CDH13: variants seen among roughly 807,000 people sequenced by gnomAD.
CDH13 encodes the protein cadherin-13.
CDH13 carries 24 observed loss-of-function variants against 63.8 expected under a neutral mutation model. The observed-to-expected ratio is 0.38, with a 90% CI of 0.27 to 0.53. The LOEUF (loss-of-function observed/expected upper bound fraction) is 0.53. Ranked by LOEUF, CDH13 falls within the 20% of genes least tolerant of loss-of-function variation. CDH13 has a pLI of 0.85. For synonymous variants in CDH13, 503 were observed against 355.3 expected, an observed-to-expected ratio of 1.42 and a Z score of -4.67; for missense variants, 1,049 against 903.1, an observed-to-expected ratio of 1.16 and a Z score of -2.07.
intron 6 of CDH13, among the ~76,000 whole-genome samples, chr16:83,445,897 C>G (rs1026884805): frequency 6.6e-6 from 1 of 152,142 alleles, no homozygotes; most frequent in Non-Finnish European, 1.5e-5. Flanking sequence ...CGCCGAACAA[C>G]AGACAGTTCA....
At chr16:83,191,530 C>CACATATAT (rs1334419994) in intron 4 of CDH13, among the ~76,000 whole-genome samples, 3 of 74,380 alleles carry the variant, frequency 4.0e-5, no homozygotes, top group African/African-American at 1.7e-4. Context: ...CACACACACA[C>CACATATAT]ATATATATAT....
At chr16:83,322,861 T>C (rs1207717181) in intron 5 of CDH13, among the ~76,000 whole-genome samples, 2 of 152,096 alleles carry the variant, frequency 1.3e-5, no homozygotes, top group African/African-American at 2.4e-5. Context: ...CGTCAGGAAC[T>C]AGAACCACCT....
At chr16:83,362,577 G>A (rs1255430380) in intron 6 of CDH13, among the ~76,000 whole-genome samples, 1 of 152,130 alleles carries the variant, frequency 6.6e-6, no homozygotes, top group Non-Finnish European at 1.5e-5. Flanking sequence ...GTGAGATTGG[G>A]TATTACTGTC....
At chr16:83,671,004 C>T (rs779721176) in intron 9 of CDH13, 32 bp downstream of exon 9, 4 of 1,534,348 alleles carry the variant, frequency 2.6e-6, no homozygotes. Flanking sequence ...TCTTTCTCCT[C>T]ATGCGAGCAC....
At chr16:83,661,453 A>G (rs1325744181) in intron 8 of CDH13, among the ~76,000 whole-genome samples, 1 of 151,092 alleles carries the variant, frequency 6.6e-6, no homozygotes, top group Non-Finnish European at 1.5e-5. Context: ...ACTGCACTCC[A>G]GCCTGGGTGA....
At chr16:83,632,873 C>T (rs1441837438) in intron 8 of CDH13, among the ~76,000 whole-genome samples, 1 of 150,822 alleles carries the variant, frequency 6.6e-6, no homozygotes, top group African/African-American at 2.4e-5. Context: ...GTGGATTATT[C>T]TTGGGTTTTC....
At chr16:82,826,404 C>G (rs879129530) in intron 1 of CDH13, 4 of 151,912 alleles carry the variant, frequency 2.6e-5, no homozygotes, top group Admixed American at 2.6e-4. Context: ...TTTTTTATTT[C>G]CTACATACAA....
rs1476632819 is a variant in CDH13, at chr16:82,710,556, T to A, written c.45+83419T>A. The stretch of plus-strand genomic sequence containing the variant: ...TCAAAAAAAAAAAAAAAAAAAAATA[T>A]ATATATATATATATATATATAAATA... On this transcript the variant is annotated intron_variant, in intron 1 of 13. Coordinates refer to ENST00000567109, the MANE Select transcript of CDH13 (RefSeq NM_001257.5). Among the ~76,000 whole-genome samples the A allele has an allele frequency of 5.2e-3, 501 of 95,964 alleles. 1 individual carries two copies. The highest frequency in any genetic ancestry group is 0.011 in the South Asian group (35 of 3,220). The allele number at this position is 95,964 out of a possible 152,430, so 63.0% of individuals were successfully genotyped here. A position where few individuals can be genotyped will look rare whatever the true frequency, so the allele number is the denominator to read the frequency against.
At chr16:83,150,331 C>T (rs928894183) in intron 4 of CDH13, among the ~76,000 whole-genome samples, 1 of 152,296 alleles carries the variant, frequency 6.6e-6, no homozygotes, top group African/African-American at 2.4e-5. Context: ...ATGTCTATGC[C>T]TATGCCTATA....
intron 5 of CDH13, among the ~76,000 whole-genome samples, chr16:83,292,765 A>G (rs1458913632): frequency 6.6e-6 from 1 of 152,202 alleles, no homozygotes; most frequent in Non-Finnish European, 1.5e-5. Flanking sequence ...TCAGAAAATC[A>G]GTGTTATAAG....
At chr16:83,081,527 A>G (rs1301282835) in intron 3 of CDH13, among the ~76,000 whole-genome samples, 3 of 152,226 alleles carry the variant, frequency 2.0e-5, no homozygotes, top group Non-Finnish European at 4.4e-5. Context: ...GGGCTGCTAT[A>G]ACAATACCAG....
At chr16:83,496,538 A>G (rs959797221) in intron 7 of CDH13, among the ~76,000 whole-genome samples, 96 of 152,286 alleles carry the variant, frequency 6.3e-4, no homozygotes, top group Middle Eastern at 3.4e-3. Flanking sequence ...TAAACGTTAG[A>G]CCTAAAAACC....
intron 3 of CDH13, among the ~76,000 whole-genome samples, chr16:83,053,398 A>G (rs2030591957): frequency 6.6e-6 from 1 of 152,096 alleles, no homozygotes. Context: ...CTCCTGGGGT[A>G]TCAGAAGACA....
intron 5 of CDH13, among the ~76,000 whole-genome samples, chr16:83,317,968 T>G (rs536221326): frequency 2.1e-3 from 321 of 152,298 alleles, no homozygotes; most frequent in Non-Finnish European, 3.7e-3. Flanking sequence ...TCAGGTGGAC[T>G]GCACTGCTTC....
chr16:82,627,379 T>TGTGTGTGTGTGC (rs1907442168), intron 1 of CDH13, among the ~76,000 whole-genome samples: 1 of 136,334 alleles, frequency 7.3e-6, no homozygotes, highest in African/African-American at 2.7e-5. Context: ...TGTGTGTGTG[T>TGTGTGTGTGTGC]GTACGTTCGT....
chr16:82,651,291 A>G (rs978400543), intron 1 of CDH13, among the ~76,000 whole-genome samples: 2 of 152,230 alleles, frequency 1.3e-5, no homozygotes, highest in African/African-American at 2.4e-5. Flanking sequence ...AAAGCTTCTG[A>G]ATATGATTAA....
intron 8 of CDH13, among the ~76,000 whole-genome samples, chr16:83,650,761 G>A (rs924607560): frequency 2.6e-5 from 4 of 152,126 alleles, no homozygotes; most frequent in African/African-American, 4.8e-5. Flanking sequence ...TTAGGATTAC[G>A]ATTAGATTAC....
intron 7 of CDH13, among the ~76,000 whole-genome samples, chr16:83,500,480 C>A (rs2074253604): frequency 4.8e-4 from 1 of 2,072 alleles, no homozygotes; most frequent in Non-Finnish European, 9.9e-4. Flanking sequence ...CTCCTTCTCC[C>A]CTTCCTCCCT....
chr16:83,672,244 A>G (rs1163327740), intron 9 of CDH13, among the ~76,000 whole-genome samples: 2 of 152,040 alleles, frequency 1.3e-5, no homozygotes, highest in Admixed American at 1.3e-4. Context: ...CTGGTGGCTT[A>G]TAAACCACAG....
Sources: allele counts gnomAD v4.1 joint callset (sites outside exome capture counted in the v4.1 genomes callset), GRCh38; gene constraint gnomAD v4.1.1; transcripts MANE v1.5; gene names NCBI Gene and HGNC (gene_info 2026-07-23, HGNC 2026-07-21).